EPG5: variants seen among roughly 807,000 people sequenced by gnomAD.
EPG5 encodes ectopic P granules protein 5 homolog.
In EPG5, 159 loss-of-function variants were observed where a neutral mutation model predicts 302.7. The ratio of observed to expected loss-of-function variants is 0.53; its 90% CI spans 0.46 to 0.60. The LOEUF is 0.60. EPG5 is among the 20% of genes least tolerant of loss of function. The pLI, the probability that EPG5 is intolerant of heterozygous loss-of-function variation, is 0.00. For synonymous variants in EPG5, 1,158 were observed against 1,136.8 expected (o/e 1.02, Z -0.37); for missense variants, 2,896 against 3,092.4 (o/e 0.94, Z 1.51).
chr18:45,894,681 T>C (rs1010053538), intron 27 of EPG5, among the ~76,000 whole-genome samples: 3 of 151,956 alleles, frequency 2.0e-5, no homozygotes, highest in African/African-American at 7.3e-5. Flanking sequence ...AGGTCAGAAA[T>C]GGGTGGGAGG....
chr18:45,867,042 G>T, intron 37 of EPG5, 35 bp from the exon 38 acceptor site: 1 of 1,547,224 alleles, frequency 6.5e-7, no homozygotes, highest in South Asian at 1.1e-5. Context: ...TAGTTCCAGA[G>T]CCCCAATTTT....
At position 45,888,729 on chromosome 18, in the gene EPG5, T is replaced by C. The variant is rs192077674; in HGVS notation, c.4953-822A>G. ...TGCTGGGATTACAGGCGTGAGCCACTGCATCTGGCCGATTTTCAATACTTA... is the reference window on the plus strand; with the variant it reads ...TGCTGGGATTACAGGCGTGAGCCACCGCATCTGGCCGATTTTCAATACTTA... On this transcript the variant is annotated intron_variant, in intron 28 of 43. Transcript: ENST00000282041. Among the ~76,000 whole-genome samples, 122 of 152,292 alleles carry C rather than the reference T, an allele frequency of 8.0e-4. 1 individual carries two copies. Among genetic ancestry groups the C allele is most frequent in the Admixed American group, 7.9e-3 (121 of 15,294 alleles).
At chr18:45,926,690 G>A (rs911511133) in intron 13 of EPG5, among the ~76,000 whole-genome samples, 2 of 151,976 alleles carry the variant, frequency 1.3e-5, no homozygotes, top group African/African-American at 4.8e-5. Flanking sequence ...ATGGTGGCAC[G>A]CGCCTGTAAT....
At chr18:45,855,217 G>A (rs2048489485) in intron 43 of EPG5, 1 of 175,754 alleles carries the variant, frequency 5.7e-6, no homozygotes, top group East Asian at 1.5e-4. Flanking sequence ...CATCCCAACT[G>A]TAGCCACATC....
the EPG5 span, among the ~76,000 whole-genome samples, chr18:45,818,753 C>G: frequency 0.073 from 1,363 of 18,650 alleles, 29 homozygotes; most frequent in African/African-American, 0.22. Flanking sequence ...TTTTTTTTTG[C>G]GATGGAGTCT....
chr18:45,907,885 T>C, intron 24 of EPG5, 73 bp downstream of exon 24: 1 of 1,373,738 alleles, frequency 7.3e-7, no homozygotes, highest in Non-Finnish European at 9.6e-7. Context: ...TGTTTTATTA[T>C]GAATATGACC....
intron 26 of EPG5, among the ~76,000 whole-genome samples, chr18:45,900,569 C>G (rs1300021631): frequency 6.6e-6 from 1 of 152,120 alleles, no homozygotes; most frequent in Non-Finnish European, 1.5e-5. Context: ...CTTGTGAACT[C>G]AAAACAATGA....
chr18:45,864,202 TC>T (rs1310683045), intron 39 of EPG5, among the ~76,000 whole-genome samples: 3 of 152,134 alleles, frequency 2.0e-5, no homozygotes, highest in African/African-American at 7.2e-5. Context: ...GGCCTCGAAC[TC>T]CTGGCCATCA....
Position 45,867,691 on chromosome 18 carries a change from C to T in EPG5, c.6283G>A (p.Val2095Ile), listed in dbSNP as rs2048776242. The change falls in exon 37 of 44, where the codon GTC (valine) becomes ATC (isoleucine). Residue 2095 changes from valine to isoleucine, a missense_variant. Transcript: ENST00000282041. ...TCAGAGAGCACACTAACCCAGTTGA[C>T]TTCACAGAGTACAGACCCCAAAAAT... The part of the protein sequence containing the change: ...FLFLGSVLCE[V>I]NWVSVLSDAW... 6.2e-7 allele frequency: 1 copy of T among 1,614,142 alleles called. No individual in the cohort carries two copies. The highest frequency in any genetic ancestry group is 8.5e-7 in the Non-Finnish European group (1 of 1,180,016).
At chr18:45,933,407 G>A (rs554933956) in intron 11 of EPG5, among the ~76,000 whole-genome samples, 167 of 152,296 alleles carry the variant, frequency 1.1e-3, no homozygotes, top group African/African-American at 3.9e-3. Context: ...GGCTGAGTAC[G>A]GTGGCTCACG....
intron 1 of EPG5, among the ~76,000 whole-genome samples, chr18:45,958,690 TAA>T (rs2143841551): frequency 6.6e-6 from 1 of 152,346 alleles, no homozygotes; most frequent in Admixed American, 6.5e-5. Context: ...ATGTGAGAGC[TAA>T]AACTTTTAAA....
At chr18:45,944,434 ATCAG>A (rs1309711755) in intron 7 of EPG5, among the ~76,000 whole-genome samples, 17 of 152,180 alleles carry the variant, frequency 1.1e-4, no homozygotes, top group Admixed American at 2.6e-4. Flanking sequence ...CCTTATAGGG[ATCAG>A]TGCTTTGATA....
chr18:45,866,477 C>A (rs955186512), intron 38 of EPG5, among the ~76,000 whole-genome samples: 2 of 152,118 alleles, frequency 1.3e-5, no homozygotes, highest in African/African-American at 4.8e-5. Flanking sequence ...CCCTGTCAAG[C>A]CTAAGTTCAT....
chr18:45,805,423 T>C, the EPG5 span, among the ~76,000 whole-genome samples: 1 of 132,482 alleles, frequency 7.5e-6, no homozygotes, highest in Non-Finnish European at 1.6e-5. Flanking sequence ...AGAGCTTCTG[T>C]AAAAAAAAAA....
At chr18:45,898,306 AT>A in intron 27 of EPG5, among the ~76,000 whole-genome samples, 1 of 152,204 alleles carries the variant, frequency 6.6e-6, no homozygotes, top group Non-Finnish European at 1.5e-5. Context: ...GAGCAACTTA[AT>A]TAACTTCTCT....
intron 1 of EPG5, among the ~76,000 whole-genome samples, chr18:45,959,628 G>T (rs1196697219): frequency 6.6e-6 from 1 of 150,752 alleles, no homozygotes; most frequent in Non-Finnish European, 1.5e-5. Flanking sequence ...TCTGGGGTGG[G>T]GGCGGGGTGG....
At chr18:45,967,086 A>C in intron 1 of EPG5, 91 bp downstream of exon 1, 3 of 1,260,568 alleles carry the variant, frequency 2.4e-6, no homozygotes, top group Non-Finnish European at 3.3e-6. Flanking sequence ...GGCTCAGGGA[A>C]CGGGAGTAGA....
the EPG5 span, among the ~76,000 whole-genome samples, chr18:45,839,562 A>G: frequency 6.6e-6 from 1 of 152,262 alleles, no homozygotes; most frequent in African/African-American, 2.4e-5. Flanking sequence ...GCAATGTGCT[A>G]TGAGAAGGGC....
In EPG5 at chr18:45,852,572, T is replaced by C. The variant is rs1181355831; in HGVS notation, c.7635A>G (p.Gln2545=). The C allele has an allele frequency of 6.2e-7, 1 of 1,614,074 alleles. No individual in the cohort carries two copies. The highest frequency in any genetic ancestry group is 2.2e-5 in the East Asian group (1 of 44,900). Reference sequence around the variant, plus strand: ...GGCAATGGCCAGGATGCCTTATAAATTGGGTGGCTTGCAATATTTGATCCT... The same window carrying C: ...GGCAATGGCCAGGATGCCTTATAAACTGGGTGGCTTGCAATATTTGATCCT... ...EYQDQILQAT[Q]FIRHPGHCLQ... The change falls in exon 44 of 44, where the codon CAA becomes CAG. Residue 2545 remains glutamine, a synonymous_variant. Transcript: ENST00000282041.
Sources: allele counts gnomAD v4.1 joint callset (sites outside exome capture counted in the v4.1 genomes callset), GRCh38; gene constraint gnomAD v4.1.1; transcripts MANE v1.5; gene names NCBI Gene and HGNC (gene_info 2026-07-23, HGNC 2026-07-21).